The following TICAM1 variants were observed in gnomAD, a reference collection of about 807,000 sequenced individuals.
TICAM1 encodes the protein TIR domain-containing adapter molecule 1.
For missense variants in TICAM1, 895 were observed against 938.2 expected, an observed-to-expected ratio of 0.95 and a Z score of 0.60; for synonymous variants, 439 against 415.4, an observed-to-expected ratio of 1.06 and a Z score of -0.69.
rs769060173 is a variant in TICAM1 at position 4,817,002 on chromosome 19, T to C, written c.1376A>G (p.Asn459Ser). Reference protein sequence around the residue: ...SAFIILLLTSNFDCRLSLHQV... With the variant: ...SAFIILLLTSSFDCRLSLHQV... Reference sequence around the variant, plus strand: ...GTGCAGGCTCAGGCGACAGTCGAAGTTGGAGGTGAGAAGTAGGATGATGAA... The same window carrying C: ...GTGCAGGCTCAGGCGACAGTCGAAGCTGGAGGTGAGAAGTAGGATGATGAA... Residue 459 changes from asparagine to serine, a missense_variant, in exon 2 of 2, where the codon AAC (asparagine) becomes AGC (serine). Coordinates refer to ENST00000248244, the MANE Select transcript of TICAM1 (RefSeq NM_182919.4). The surrounding 1 kb of genome is among the most constrained non-coding windows in gnomAD (Gnocchi z 4.7). 3 of 1,613,714 alleles carry C rather than the reference T, an allele frequency of 1.9e-6. No individual in the cohort carries two copies. Among genetic ancestry groups the C allele is most frequent in the Non-Finnish European group, 1.7e-6 (2 of 1,179,926 alleles).
intron 1 of TICAM1, among the ~76,000 whole-genome samples, chr19:4,829,102 TG>T (rs766373308): frequency 6.6e-6 from 1 of 152,188 alleles, no homozygotes. Context: ...CCCAGAGTGC[TG>T]GGATTACAGG....
intron 1 of TICAM1, among the ~76,000 whole-genome samples, chr19:4,820,183 G>A (rs2093594841): frequency 6.6e-6 from 1 of 152,104 alleles, no homozygotes; most frequent in Non-Finnish European, 1.5e-5. Context: ...CACTTTGGGA[G>A]GCTGAGGCGG....
chr19:4,825,204 C>T (rs1289104201), intron 1 of TICAM1, among the ~76,000 whole-genome samples: 2 of 151,854 alleles, frequency 1.3e-5, no homozygotes, highest in Non-Finnish European at 2.9e-5. Flanking sequence ...TGCTGGAACC[C>T]GGGCGGCAGA....
At position 4,816,202 on chromosome 19, in the gene TICAM1, A is replaced by G. The variant is rs1416116187; in HGVS notation, c.*37T>C. 1.3e-6 allele frequency: 2 copies of G among 1,489,364 alleles called. No homozygotes were observed. Among genetic ancestry groups the G allele is most frequent in the Non-Finnish European group, 8.9e-7 (1 of 1,125,262 alleles). The allele number at this position is 1,489,364 out of a possible 1,614,324, so 92.3% of individuals were successfully genotyped here. Reference sequence around the variant, plus strand: ...GGGGTCCTGGCCGATGCCTGGGTCCAGGGGTGTTCCCCAGGTGGTCAGGCA... The same window carrying G: ...GGGGTCCTGGCCGATGCCTGGGTCCGGGGGTGTTCCCCAGGTGGTCAGGCA... On this transcript the variant is annotated 3_prime_UTR_variant, in exon 2 of 2. Coordinates refer to ENST00000248244, the MANE Select transcript of TICAM1 (RefSeq NM_182919.4). The surrounding 1 kb of genome is among the most constrained non-coding windows in gnomAD (Gnocchi z 4.3).
intron 1 of TICAM1, among the ~76,000 whole-genome samples, chr19:4,820,481 T>C (rs2093595513): frequency 6.6e-6 from 1 of 150,752 alleles, no homozygotes; most frequent in Non-Finnish European, 1.5e-5. Flanking sequence ...TCCCAGCTAC[T>C]CGGGAGGCTA....
intron 1 of TICAM1, among the ~76,000 whole-genome samples, chr19:4,829,554 C>T (rs1164095789): frequency 6.6e-6 from 1 of 152,114 alleles, no homozygotes; most frequent in African/African-American, 2.4e-5. Context: ...TCTGGCTCTG[C>T]CACCTGCCGG....
Position 4,818,723 on chromosome 19 carries a change from A to T in TICAM1, c.-139-207T>A, listed in dbSNP as rs11466715. 0.24 allele frequency among the ~76,000 whole-genome samples: 36,740 copies of T among 152,084 alleles called. 4,945 individuals carry two copies. Among genetic ancestry groups the T allele is most frequent in the East Asian group, 0.42 (2,176 of 5,156 alleles). Reference sequence around the variant, plus strand: ...GGTGGCTCAGGCCTGTGATCTCAGCACTTTGGGAGGCTGAAGCAGGAGGAT... The same window carrying T: ...GGTGGCTCAGGCCTGTGATCTCAGCTCTTTGGGAGGCTGAAGCAGGAGGAT... On this transcript the variant is annotated intron_variant, in intron 1 of 1. Transcript: ENST00000248244. This position sits in a 1 kb window ranked among gnomAD's most constrained non-coding sequence, Gnocchi z 4.0.
intron 1 of TICAM1, among the ~76,000 whole-genome samples, chr19:4,830,393 T>A (rs1039483977): frequency 6.6e-6 from 1 of 152,020 alleles, no homozygotes; most frequent in African/African-American, 2.4e-5. Context: ...TCTTTTTGAA[T>A]TTTTTTGTAG....
In TICAM1 at chr19:4,816,590, T is replaced by C. The variant is rs764796477; in HGVS notation, c.1788A>G (p.Ser596=). Residue 596 remains serine, a synonymous_variant, in exon 2 of 2, where the codon TCA becomes TCG. Coordinates refer to ENST00000248244, the MANE Select transcript of TICAM1 (RefSeq NM_182919.4). The surrounding 1 kb of genome is among the most constrained non-coding windows in gnomAD (Gnocchi z 4.3). ...CCCCATAGGGCGCCCCAGTCCCAAA[T>C]GACATGTGGCTCCCAAAAGCCACCT... ...QLQVAFGSHM[S]FGTGAPYGAR... 1.2e-6 allele frequency: 2 copies of C among 1,613,664 alleles called. No homozygotes were observed. The highest frequency in any genetic ancestry group is 1.1e-5 in the South Asian group (1 of 91,074).
At chr19:4,827,177 C>T (rs1020141008) in intron 1 of TICAM1, among the ~76,000 whole-genome samples, 16 of 150,812 alleles carry the variant, frequency 1.1e-4, no homozygotes, top group Admixed American at 5.3e-4. Flanking sequence ...ATGGTGAAAC[C>T]CCGTCTGTAC....
Position 4,818,333 on chromosome 19 carries a change from T to C in TICAM1, c.45A>G (p.Leu15=), listed in dbSNP as rs1487490737. ...AGAGCTTGTCCTGGCCTGCTGCACC[T>C]AGAATGTCGAAGGCGCTAGGAAGTG... ...GPSLPSAFDI[L]GAAGQDKLLY... Residue 15 remains leucine (L), a synonymous_variant, in exon 2 of 2, where the codon CTA becomes CTG. Transcript: ENST00000248244. The surrounding 1 kb of genome is among the most constrained non-coding windows in gnomAD (Gnocchi z 4.0). 2 of 1,611,908 alleles carry C rather than the reference T, an allele frequency of 1.2e-6. No individual in the cohort carries two copies. The highest frequency in any genetic ancestry group is 1.1e-5 in the South Asian group (1 of 90,988).
At chr19:4,819,600 C>T (rs1169776361) in intron 1 of TICAM1, among the ~76,000 whole-genome samples, 5 of 152,242 alleles carry the variant, frequency 3.3e-5, no homozygotes, top group African/African-American at 7.2e-5. Flanking sequence ...CGGCTGAGCA[C>T]GGTGGCTCAC....
chr19:4,828,183 C>T (rs1160641683), intron 1 of TICAM1, among the ~76,000 whole-genome samples: 3 of 149,982 alleles, frequency 2.0e-5, no homozygotes, highest in Non-Finnish European at 3.0e-5. Context: ...GGCGCGATCT[C>T]GGCTCACTAC....
rs992266910 is a variant in TICAM1, at chr19:4,821,936, G to A, written c.-139-3420C>T. Among the ~76,000 whole-genome samples the A allele has an allele frequency of 8.5e-5, 12 of 140,374 alleles. 1 individual carries two copies. The highest frequency in any genetic ancestry group is 4.3e-4 in the East Asian group (2 of 4,600). 92.1% of individuals were successfully genotyped at this position (140,374 alleles called of 152,430 possible). The stretch of plus-strand genomic sequence containing the variant: ...TGGGATTACAGGCATGAGCCACCCC[G>A]TCCAGCCTTTTTTTTTGAGACAGAG... On this transcript the variant is annotated intron_variant, in intron 1 of 1. Transcript: ENST00000248244.
chr19:4,817,958 G>A lies in TICAM1; in HGVS notation c.420C>T (p.Ala140=), dbSNP rs902407210. The A allele has an allele frequency of 6.2e-7, 1 of 1,613,698 alleles. No individual in the cohort carries two copies. The highest frequency in any genetic ancestry group is 1.3e-5 in the African/African-American group (1 of 75,050). The change falls in exon 2 of 2, where the codon GCC becomes GCT. Residue 140 remains alanine, a synonymous_variant. Coordinates refer to ENST00000248244, the MANE Select transcript of TICAM1 (RefSeq NM_182919.4). This position sits in a 1 kb window ranked among gnomAD's most constrained non-coding sequence, Gnocchi z 4.7. ...CAATGTCCCACCCACACCGGTTTCG[G>A]GCCTCATCCTGAAGTTCCCCCAGCC... ...DHRLGELQDE[A]RNRCGWDIAG...
chr19:4,823,286 G>A (rs1294753984), intron 1 of TICAM1, among the ~76,000 whole-genome samples: 7 of 152,048 alleles, frequency 4.6e-5, no homozygotes, highest in Admixed American at 2.0e-4. Context: ...CTAACATGGC[G>A]AAACTCCATC....
intron 1 of TICAM1, among the ~76,000 whole-genome samples, chr19:4,828,707 T>G (rs1178245487): frequency 6.7e-6 from 1 of 150,328 alleles, no homozygotes; most frequent in Middle Eastern, 3.4e-3. Context: ...ATAATCTTTT[T>G]TTTTTTTTTT....
chr19:4,831,428 G>T (rs1428356864), intron 1 of TICAM1, among the ~76,000 whole-genome samples, 186 bp downstream of exon 1: 1 of 151,948 alleles, frequency 6.6e-6, no homozygotes, highest in Non-Finnish European at 1.5e-5. Flanking sequence ...CCAGCGCGGG[G>T]AGCTGGAGGT....
At chr19:4,823,684 C>T (rs1374748319) in intron 1 of TICAM1, among the ~76,000 whole-genome samples, 5 of 152,086 alleles carry the variant, frequency 3.3e-5, no homozygotes, top group South Asian at 4.1e-4. Context: ...CACGTAACTG[C>T]ACAGAAGGAA....
Sources: allele counts gnomAD v4.1 joint callset (sites outside exome capture counted in the v4.1 genomes callset), GRCh38; gene constraint gnomAD v4.1.1; non-coding constraint Gnocchi (gnomAD v3.1); transcripts MANE v1.5; gene names NCBI Gene and HGNC (gene_info 2026-07-23, HGNC 2026-07-21).